The following EXOC6 variants were observed in gnomAD, a reference collection of about 807,000 sequenced individuals.
EXOC6 encodes the protein SEC15-like 1.
Under a neutral mutation model 112.5 loss-of-function variants are expected in EXOC6, and 60 were observed. That is an observed-to-expected ratio of 0.53 (90% CI 0.43 to 0.66). The LOEUF (loss-of-function observed/expected upper bound fraction) is 0.66. Ranked by LOEUF, EXOC6 falls within the 30% of genes least tolerant of loss-of-function variation. EXOC6 has a pLI of 0.00. For missense variants in EXOC6, 855 were observed against 957.1 expected (o/e 0.89, Z 1.41); for synonymous variants, 295 against 308.0 (o/e 0.96, Z 0.44).
intron 20 of EXOC6, among the ~76,000 whole-genome samples, chr10:93,025,009 T>G (rs979786117): frequency 6.6e-6 from 1 of 151,936 alleles, no homozygotes; most frequent in African/African-American, 2.4e-5. Flanking sequence ...GTAGATTATA[T>G]GAAGCCAGGA....
intron 8 of EXOC6, among the ~76,000 whole-genome samples, chr10:92,927,968 A>G (rs947131751): frequency 1.3e-5 from 2 of 152,180 alleles, no homozygotes; most frequent in African/African-American, 4.8e-5. Flanking sequence ...TAACATGCTC[A>G]TGTTACACAT....
chr10:92,864,364 C>T (rs991574346), intron 1 of EXOC6, among the ~76,000 whole-genome samples: 2 of 152,182 alleles, frequency 1.3e-5, no homozygotes, highest in African/African-American at 4.8e-5. Context: ...AAGTTTTGTC[C>T]TTCACTGTGC....
At chr10:92,970,950 G>T (rs150134058) in intron 17 of EXOC6, among the ~76,000 whole-genome samples, 49 of 152,326 alleles carry the variant, frequency 3.2e-4, no homozygotes, top group African/African-American at 1.2e-3. Context: ...TTGCTGAGTG[G>T]AGTGTACAAT....
intron 19 of EXOC6, among the ~76,000 whole-genome samples, chr10:93,002,307 A>G (rs530608064): frequency 6.6e-6 from 1 of 152,266 alleles, no homozygotes; most frequent in East Asian, 1.9e-4. Flanking sequence ...TGGATTTGTA[A>G]TCATTCTTTC....
intron 6 of EXOC6, among the ~76,000 whole-genome samples, chr10:92,912,374 A>T (rs948472149): frequency 2.0e-5 from 3 of 151,996 alleles, no homozygotes; most frequent in Admixed American, 2.0e-4. Context: ...ATAGACACAC[A>T]CAAGATAGTG....
chr10:92,931,416 T>C (rs1042093080), intron 9 of EXOC6, among the ~76,000 whole-genome samples: 1 of 150,992 alleles, frequency 6.6e-6, no homozygotes, highest in African/African-American at 2.4e-5. Flanking sequence ...ATAATAATTG[T>C]ACATATCTAT....
rs141670942 is a variant in EXOC6, at chr10:92,943,903, G to A, written c.1310+3079G>A. ...ACCCTGCCTACGCCACTTTCTGATCGCCCTACCCTCTGGTAACCTATAAAT... is the reference window on the plus strand; with the variant it reads ...ACCCTGCCTACGCCACTTTCTGATCACCCTACCCTCTGGTAACCTATAAAT... On this transcript the variant is annotated intron_variant, in intron 13 of 21. Coordinates refer to ENST00000260762, the MANE Select transcript of EXOC6 (RefSeq NM_019053.6). Among the ~76,000 whole-genome samples the A allele has an allele frequency of 5.6e-3, 852 of 152,182 alleles. 6 individuals carry two copies. Among genetic ancestry groups the A allele is most frequent in the African/African-American group, 0.017 (704 of 41,510 alleles).
intron 20 of EXOC6, among the ~76,000 whole-genome samples, chr10:93,035,110 G>T (rs1440566164): frequency 6.6e-6 from 1 of 152,188 alleles, no homozygotes; most frequent in Admixed American, 6.5e-5. Flanking sequence ...TTTACCTTAA[G>T]GTCCAGATAT....
Position 92,928,339 on chromosome 10 carries a change from G to T in EXOC6, c.889G>T (p.Gly297Cys). ...YRCLHIYSVL[G>C]DEETFENYYR... Reference sequence around the variant, plus strand: ...CATTACTCTGCTGATTTTATTTTAGGGTGACGAGGAAACATTTGAAAACTA... The same window carrying T: ...CATTACTCTGCTGATTTTATTTTAGTGTGACGAGGAAACATTTGAAAACTA... The change falls in exon 9 of 22, where the codon GGT becomes TGT. Residue 297 changes from glycine to cysteine, a missense_variant and splice_region_variant. Gly to Cys is a radical substitution (Grantham distance 159, BLOSUM62 -3). This residue lies in a region of EXOC6 where 405 missense variants were observed against 393.6 expected (regional missense o/e 1.03). Coordinates refer to ENST00000260762, the MANE Select transcript of EXOC6 (RefSeq NM_019053.6). 1 of 1,595,004 alleles carries T rather than the reference G, an allele frequency of 6.3e-7. No individual in the cohort carries two copies. Among genetic ancestry groups the T allele is most frequent in the Non-Finnish European group, 8.6e-7 (1 of 1,165,754 alleles).
At chr10:93,009,551 A>C (rs570443027) in intron 19 of EXOC6, among the ~76,000 whole-genome samples, 2 of 152,322 alleles carry the variant, frequency 1.3e-5, no homozygotes, top group East Asian at 3.9e-4. Flanking sequence ...GTGAGTGCTG[A>C]AGTTAGGCTG....
chr10:93,022,757 T>G (rs1463393790), intron 20 of EXOC6, among the ~76,000 whole-genome samples: 1 of 152,102 alleles, frequency 6.6e-6, no homozygotes, highest in Non-Finnish European at 1.5e-5. Flanking sequence ...AAACTGGTCT[T>G]GAAAAGTGAA....
At position 93,058,947 on chromosome 10, in the gene EXOC6, C is replaced by T. The variant is rs1050296750; in HGVS notation, c.*592C>T. ...TTCTACTTGGGTGGTTTAATTTAATCGTTCTGAATATGAACAAAAGGTTTT... is the reference window on the plus strand; with the variant it reads ...TTCTACTTGGGTGGTTTAATTTAATTGTTCTGAATATGAACAAAAGGTTTT... On this transcript the variant is annotated 3_prime_UTR_variant, in exon 22 of 22. Coordinates refer to ENST00000260762, the MANE Select transcript of EXOC6 (RefSeq NM_019053.6). 7.9e-5 allele frequency: 12 copies of T among 152,200 alleles called. No individual in the cohort carries two copies. Among genetic ancestry groups the T allele is most frequent in the African/African-American group, 2.7e-4 (11 of 41,452 alleles). The allele number at this position is 152,200 out of a possible 1,614,324, so 9.4% of individuals were successfully genotyped here.
intron 1 of EXOC6, among the ~76,000 whole-genome samples, chr10:92,842,094 C>T (rs1296814838): frequency 2.6e-5 from 4 of 151,800 alleles, no homozygotes; most frequent in African/African-American, 9.7e-5. Context: ...GGTGCAGTGG[C>T]TCACGCCTGG....
intron 20 of EXOC6, among the ~76,000 whole-genome samples, chr10:93,039,004 T>G (rs1381403530): frequency 1.3e-5 from 2 of 152,086 alleles, no homozygotes; most frequent in Admixed American, 6.5e-5. Context: ...TCCACCTATA[T>G]ATGTATATAT....
chr10:92,979,101 G>A (rs552904253), intron 18 of EXOC6, among the ~76,000 whole-genome samples: 37 of 152,242 alleles, frequency 2.4e-4, no homozygotes, highest in African/African-American at 8.4e-4. Flanking sequence ...TAGCTTAAAA[G>A]CTCCACCCTT....
In EXOC6 at chr10:93,056,350, C is replaced by G. The variant is rs147114441; in HGVS notation, c.2170-574C>G. Among the ~76,000 whole-genome samples the G allele has an allele frequency of 4.2e-3, 646 of 152,242 alleles. 5 individuals are homozygous for G. Among genetic ancestry groups the G allele is most frequent in the South Asian group, 0.012 (59 of 4,824 alleles). On this transcript the variant is annotated intron_variant, in intron 20 of 21. Coordinates refer to ENST00000260762, the MANE Select transcript of EXOC6 (RefSeq NM_019053.6). Reference sequence around the variant, plus strand: ...TAGCCTAGAGTTAACAGGCTGAATCCTGAAGCCCTCATTTCATAATACTAC... The same window carrying G: ...TAGCCTAGAGTTAACAGGCTGAATCGTGAAGCCCTCATTTCATAATACTAC...
intron 8 of EXOC6, among the ~76,000 whole-genome samples, chr10:92,924,878 T>TAC (rs1219157404): frequency 1.3e-5 from 2 of 152,202 alleles, no homozygotes; most frequent in Non-Finnish European, 2.9e-5. Context: ...TGCCTCTGTA[T>TAC]ACCCATAGCT....
chr10:93,050,143 A>G (rs942866144), intron 20 of EXOC6, among the ~76,000 whole-genome samples: 8 of 152,240 alleles, frequency 5.3e-5, no homozygotes, highest in African/African-American at 1.9e-4. Context: ...GCTACCCAAG[A>G]AGAGAGCTGG....
intron 14 of EXOC6, among the ~76,000 whole-genome samples, chr10:92,951,104 AGAT>A (rs1055960089): frequency 2.6e-5 from 4 of 152,216 alleles, no homozygotes; most frequent in Non-Finnish European, 4.4e-5. Flanking sequence ...TAGAAGAAAA[AGAT>A]GATAATTTCA....
Sources: gnomAD v4.1 joint callset for allele counts (sites outside exome capture counted in the v4.1 genomes callset) on GRCh38, gnomAD v4.1.1 for gene constraint, gnomAD v4.1.1 regional missense constraint, MANE v1.5 for transcripts, NCBI Gene and HGNC (gene_info 2026-07-23, HGNC 2026-07-21) for gene names.